LAMP1: variants seen among roughly 807,000 people sequenced by gnomAD.
The protein encoded by LAMP1 is lysosome associated membrane protein 1, also known as lysosome-associated membrane glycoprotein 1.
A neutral mutation model predicts 37.5 loss-of-function variants in LAMP1; 7 were observed. That is an observed-to-expected ratio of 0.19 (90% CI 0.11 to 0.35). LAMP1 has a LOEUF of 0.35. LAMP1 is among the 10% of genes least tolerant of loss of function. The probability of loss-of-function intolerance (pLI) is 1.00; values close to 1 mark genes in which losing one functional copy is unlikely to be tolerated. For synonymous variants in LAMP1, 236 were observed against 229.1 expected (o/e 1.03, Z -0.27); for missense variants, 537 against 552.8 (o/e 0.97, Z 0.29).
chr13:113,314,987 T>TC (rs1254078833), intron 4 of LAMP1, among the ~76,000 whole-genome samples: 2 of 101,848 alleles, frequency 2.0e-5, no homozygotes, highest in African/African-American at 4.1e-5. Context: ...GGGCGTGGCC[T>TC]CCTGAGGGAG....
chr13:113,322,510 C>A lies in LAMP1; in HGVS notation c.*89C>A. On this transcript the variant is annotated 3_prime_UTR_variant, in exon 9 of 9. Coordinates refer to ENST00000332556, the MANE Select transcript of LAMP1 (RefSeq NM_005561.4). The stretch of plus-strand genomic sequence containing the variant: ...GTCGAAGGGGAGGCACACTTTCTGG[C>A]AAACGTTTCTCAAATCTGCTTCATC... 1 of 1,286,496 alleles carries A rather than the reference C, an allele frequency of 7.8e-7. No homozygotes were observed. The highest frequency in any genetic ancestry group is 1.5e-5 in the African/African-American group (1 of 67,654). The allele number at this position is 1,286,496 out of a possible 1,614,324, so 79.7% of individuals were successfully genotyped here.
chr13:113,311,381 G>C (rs1194734083), intron 4 of LAMP1, among the ~76,000 whole-genome samples: 10 of 152,208 alleles, frequency 6.6e-5, no homozygotes, highest in Non-Finnish European at 1.2e-4. Context: ...AAAACATCCT[G>C]ACACACATGG....
chr13:113,302,311 A>G (rs569619943), intron 1 of LAMP1, among the ~76,000 whole-genome samples: 2 of 152,040 alleles, frequency 1.3e-5, no homozygotes, highest in South Asian at 4.1e-4. Flanking sequence ...CAGCCTCCCG[A>G]GTAGCTGAGA....
At chr13:113,304,060 C>T (rs1003177177) in intron 1 of LAMP1, among the ~76,000 whole-genome samples, 6 of 151,828 alleles carry the variant, frequency 4.0e-5, no homozygotes, top group Admixed American at 2.0e-4. Flanking sequence ...GAGACTCAGT[C>T]TCTAAAAAAT....
intron 4 of LAMP1, among the ~76,000 whole-genome samples, chr13:113,318,034 A>C (rs1429117274): frequency 6.6e-6 from 1 of 152,248 alleles, no homozygotes; most frequent in African/African-American, 2.4e-5. Context: ...CAGCTTCGCC[A>C]AGGGCAGTGA....
At position 113,319,654 on chromosome 13, in the gene LAMP1, A is replaced by G. The variant is rs781761301; in HGVS notation, c.748A>G (p.Thr250Ala). Residue 250 changes from threonine to alanine, a missense_variant and splice_region_variant, in exon 5 of 9, where the codon ACG (threonine) becomes GCG (alanine). Thr to Ala is a moderately conservative substitution (Grantham distance 58, BLOSUM62 0). Transcript: ENST00000332556. ...CCTCACCTATGAGAGGAAGGACAAC[A>G]CGGTAGGGCTGGGGCCTCACCTGGG... is the stretch of plus-strand genomic sequence containing the variant. ...LNLTYERKDN[T>A]TVTRLLNINP... The G allele has an allele frequency of 2.6e-5, 42 of 1,607,726 alleles. No homozygotes were observed. The Admixed American group carries it at 3.0e-4, about 11-fold the overall frequency.
In LAMP1 at chr13:113,321,320, A is replaced by G. The variant is rs2042697701; in HGVS notation, c.877-84A>G. On this transcript the variant is annotated intron_variant, in intron 6 of 8. Coordinates refer to ENST00000332556, the MANE Select transcript of LAMP1 (RefSeq NM_005561.4). This position sits in a 1 kb window ranked among gnomAD's most constrained non-coding sequence, Gnocchi z 5.6. ...ATTACCCAATGACCATTCACGTTTGATGATAAATGTGTGAATCTACTGGGG... is the reference window on the plus strand; with the variant it reads ...ATTACCCAATGACCATTCACGTTTGGTGATAAATGTGTGAATCTACTGGGG... 8.2e-6 allele frequency: 9 copies of G among 1,100,848 alleles called. No individual in the cohort carries two copies. The highest frequency in any genetic ancestry group is 1.3e-5 in the Non-Finnish European group (9 of 712,546). 68.2% of individuals were successfully genotyped at this position (1,100,848 alleles called of 1,614,324 possible). A position where few individuals can be genotyped will look rare whatever the true frequency, so the allele number is the denominator to read the frequency against.
chr13:113,307,695 T>G (rs886615631), intron 2 of LAMP1, among the ~76,000 whole-genome samples: 1 of 151,902 alleles, frequency 6.6e-6, no homozygotes. Context: ...TCCTTAGTGG[T>G]TTTGTTGAAA....
chr13:113,307,790 CT>C (rs557835481), intron 2 of LAMP1, among the ~76,000 whole-genome samples: 11 of 24,722 alleles, frequency 4.4e-4, no homozygotes, highest in Non-Finnish European at 8.2e-4. Context: ...GATCTTATCT[CT>C]TTTTTAAAAA....
Position 113,320,618 on chromosome 13 carries a change from C to T in LAMP1, c.876+148C>T, listed in dbSNP as rs2042693014. The stretch of plus-strand genomic sequence containing the variant: ...CCCTTTATCCTGGGCTTTTTAGTTC[C>T]TTGGTTCCCCTCCCCCCTTTCCATT... On this transcript the variant is annotated intron_variant, in intron 6 of 8. Transcript: ENST00000332556. This position sits in a 1 kb window ranked among gnomAD's most constrained non-coding sequence, Gnocchi z 4.4. 1 of 740,504 alleles carries T rather than the reference C, an allele frequency of 1.4e-6. No individual in the cohort carries two copies. The highest frequency in any genetic ancestry group is 1.9e-5 in the South Asian group (1 of 53,670). 45.9% of individuals were successfully genotyped at this position (740,504 alleles called of 1,614,324 possible). A position where few individuals can be genotyped will look rare whatever the true frequency, so the allele number is the denominator to read the frequency against.
At chr13:113,298,747 G>C (rs2042555559) in intron 1 of LAMP1, among the ~76,000 whole-genome samples, 1 of 152,244 alleles carries the variant, frequency 6.6e-6, no homozygotes, top group Non-Finnish European at 1.5e-5. Flanking sequence ...GTTAATGAAA[G>C]GAGTTGCAGA....
rs2042690954 is a variant in LAMP1 at position 113,320,334 on chromosome 13, G to A, written c.751-11G>A. ...AGCTAGGGTGGTGACTTGCTTGCTT[G>A]TCTTATGCAGACGGTGACAAGGCTT... On this transcript the variant is annotated splice_polypyrimidine_tract_variant and intron_variant, in intron 5 of 8. Transcript: ENST00000332556. This position sits in a 1 kb window ranked among gnomAD's most constrained non-coding sequence, Gnocchi z 4.4. 6.2e-7 allele frequency: 1 copy of A among 1,614,056 alleles called. No individual in the cohort carries two copies. The highest frequency in any genetic ancestry group is 1.1e-5 in the South Asian group (1 of 91,082).
In LAMP1 at chr13:113,316,668, G is replaced by A. The variant is rs1393311310; in HGVS notation, c.563-2801G>A. ...GATCTCCTGACCTCGTGATCCGCCC[G>A]CCTCGGCCTCCCAAAGTGCTGGGAT... On this transcript the variant is annotated intron_variant, in intron 4 of 8. Transcript: ENST00000332556. Among the ~76,000 whole-genome samples the A allele has an allele frequency of 2.0e-5, 3 of 152,144 alleles. No homozygotes were observed. In the East Asian group the frequency reaches 5.8e-4, roughly 29 times the overall value.
At position 113,309,606 on chromosome 13, in the gene LAMP1, A is replaced by C. The variant is rs375317875; in HGVS notation, c.184-37A>C. On this transcript the variant is annotated intron_variant, in intron 2 of 8. Transcript: ENST00000332556. ...TTTCTTTGAACTTTTAATAACCTGC[A>C]TCCCAATTGGGTTACATTTAATTGT... 428 of 1,487,646 alleles carry C rather than the reference A, an allele frequency of 2.9e-4. 1 individual carries two copies. Among genetic ancestry groups the C allele is most frequent in the Non-Finnish European group, 3.6e-4 (388 of 1,077,506 alleles). The allele number at this position is 1,487,646 out of a possible 1,614,324, so 92.2% of individuals were successfully genotyped here. A position where few individuals can be genotyped will look rare whatever the true frequency, so the allele number is the denominator to read the frequency against.
rs1373166058 is a variant in LAMP1, at chr13:113,323,388, C to T, written c.*967C>T. ...GTACACGGGACCAGCTCACGTAATG[C>T]ATTGCCTGTAACAATGTAATAAAAA... On this transcript the variant is annotated 3_prime_UTR_variant, in exon 9 of 9. Coordinates refer to ENST00000332556, the MANE Select transcript of LAMP1 (RefSeq NM_005561.4). The T allele has an allele frequency of 1.3e-5, 2 of 152,028 alleles. No individual in the cohort carries two copies. Among genetic ancestry groups the T allele is most frequent in the Non-Finnish European group, 2.9e-5 (2 of 68,040 alleles). 9.4% of individuals were successfully genotyped at this position (152,028 alleles called of 1,614,324 possible). A position where few individuals can be genotyped will look rare whatever the true frequency, so the allele number is the denominator to read the frequency against.
chr13:113,301,644 A>AAAATAT (rs2042574129), intron 1 of LAMP1, among the ~76,000 whole-genome samples: 2 of 3,866 alleles, frequency 5.2e-4, no homozygotes, highest in African/African-American at 1.4e-3. Context: ...AAAAAAAAAA[A>AAAATAT]ATATATATAT....
chr13:113,303,096 C>G (rs1269366885), intron 1 of LAMP1, among the ~76,000 whole-genome samples: 1 of 152,236 alleles, frequency 6.6e-6, no homozygotes, highest in Non-Finnish European at 1.5e-5. Context: ...AAGCTGGCGT[C>G]AGTGCCGGGC....
Position 113,321,848 on chromosome 13 carries a change from GTTTC to G in LAMP1, c.1114+124_1114+127del. The G allele has an allele frequency of 3.1e-6, 3 of 972,764 alleles. No homozygotes were observed. The highest frequency in any genetic ancestry group is 4.6e-6 in the Non-Finnish European group (3 of 658,780). 60.3% of individuals were successfully genotyped at this position (972,764 alleles called of 1,614,324 possible). ...CGCCCCTGTTCCTCTGCAAGGAGCT[GTTTC>G]TTCTTGCCGGTCTGAGATTCTAGAG... On this transcript the variant is annotated intron_variant, in intron 8 of 8. Coordinates refer to ENST00000332556, the MANE Select transcript of LAMP1 (RefSeq NM_005561.4). This position sits in a 1 kb window ranked among gnomAD's most constrained non-coding sequence, Gnocchi z 5.6.
chr13:113,312,438 G>A (rs563815157), intron 4 of LAMP1, among the ~76,000 whole-genome samples: 1 of 152,256 alleles, frequency 6.6e-6, no homozygotes, highest in Admixed American at 6.5e-5. Flanking sequence ...AGAGAGCCAC[G>A]GCCCACAAAG....
Sources: allele counts gnomAD v4.1 joint callset (sites outside exome capture counted in the v4.1 genomes callset), GRCh38; gene constraint gnomAD v4.1.1; non-coding constraint Gnocchi (gnomAD v3.1); transcripts MANE v1.5; gene names NCBI Gene and HGNC (gene_info 2026-07-23, HGNC 2026-07-21).